GPBP1: variants seen among roughly 807,000 people sequenced by gnomAD.
The protein encoded by GPBP1 is GC-rich promoter binding protein 1.
Under a neutral mutation model 56.5 loss-of-function variants are expected in GPBP1, and 13 were observed. That is an observed-to-expected ratio of 0.23 (90% CI 0.15 to 0.37). The LOEUF (loss-of-function observed/expected upper bound fraction) is 0.37. Ranked by LOEUF, GPBP1 falls within the 10% of genes least tolerant of loss-of-function variation. GPBP1 has a pLI of 1.00. For missense variants in GPBP1, 477 were observed against 572.3 expected (o/e 0.83, Z 1.70); for synonymous variants, 204 against 188.9 (o/e 1.08, Z -0.66).
intron 6 of GPBP1, among the ~76,000 whole-genome samples, chr5:57,243,878 A>G (rs1246861887): frequency 6.6e-6 from 1 of 151,716 alleles, no homozygotes; most frequent in Admixed American, 6.6e-5. Context: ...TTGTAGAGAC[A>G]AAGTTTCACT....
At chr5:57,251,194 A>G (rs1741369475) in intron 10 of GPBP1, 53 bp downstream of exon 10, 4 of 1,428,130 alleles carry the variant, frequency 2.8e-6, no homozygotes, top group African/African-American at 1.4e-5. Flanking sequence ...CGAGATTTCA[A>G]TATTATAGAG....
At chr5:57,235,413 C>CTT (rs750088423) in intron 5 of GPBP1, among the ~76,000 whole-genome samples, 4 of 142,900 alleles carry the variant, frequency 2.8e-5, no homozygotes, top group Admixed American at 2.1e-4. Context: ...TTTTTCTTTT[C>CTT]TTTTTTTTTT....
chr5:57,183,027 T>C (rs1754127775), intron 2 of GPBP1, among the ~76,000 whole-genome samples: 1 of 152,102 alleles, frequency 6.6e-6, no homozygotes, highest in Non-Finnish European at 1.5e-5. Flanking sequence ...TTTAAAGCCA[T>C]ATTTCAATTT....
intron 2 of GPBP1, among the ~76,000 whole-genome samples, chr5:57,196,250 TCTTAA>T (rs1468286777): frequency 6.6e-6 from 1 of 151,994 alleles, no homozygotes; most frequent in Admixed American, 6.6e-5. Flanking sequence ...GATCCTCCTG[TCTTAA>T]CTTCCCCAGA....
intron 8 of GPBP1, among the ~76,000 whole-genome samples, 168 bp downstream of exon 8, chr5:57,247,383 A>G (rs1385269986): frequency 6.6e-6 from 1 of 152,250 alleles, no homozygotes; most frequent in Non-Finnish European, 1.5e-5. Context: ...ACTTTGGGAA[A>G]GTAGGAATCA....
chr5:57,222,519 GT>G (rs1755996387), intron 3 of GPBP1, among the ~76,000 whole-genome samples: 3 of 151,912 alleles, frequency 2.0e-5, no homozygotes, highest in Admixed American at 6.6e-5. Context: ...TGAAATAACT[GT>G]TTTTTCCCTT....
intron 3 of GPBP1, among the ~76,000 whole-genome samples, chr5:57,219,205 G>A (rs530459040): frequency 1.3e-5 from 2 of 151,580 alleles, no homozygotes; most frequent in East Asian, 1.9e-4. Flanking sequence ...GTGAAACCCC[G>A]TTTCTACTAA....
chr5:57,239,387 A>G (rs763806218), intron 6 of GPBP1, among the ~76,000 whole-genome samples: 1 of 152,230 alleles, frequency 6.6e-6, no homozygotes, highest in Non-Finnish European at 1.5e-5. Context: ...GGAAAGTACC[A>G]TATCGATTGG....
intron 3 of GPBP1, 137 bp from the exon 4 acceptor site, chr5:57,230,709 A>G (rs746792092): frequency 2.6e-6 from 2 of 757,340 alleles, no homozygotes; most frequent in East Asian, 2.7e-5. Flanking sequence ...CCCAGTTATC[A>G]AATACCTTGA....
intron 6 of GPBP1, among the ~76,000 whole-genome samples, chr5:57,242,312 T>C (rs143728588): frequency 4.6e-5 from 7 of 152,336 alleles, no homozygotes; most frequent in African/African-American, 1.7e-4. Flanking sequence ...TGTTTTCTAA[T>C]AATTATTTGA....
intron 2 of GPBP1, among the ~76,000 whole-genome samples, chr5:57,195,409 G>T (rs1754701031): frequency 6.6e-6 from 1 of 152,084 alleles, no homozygotes; most frequent in African/African-American, 2.4e-5. Flanking sequence ...TTTCTGCCTT[G>T]ACTTCCCAAA....
chr5:57,261,180 A>G lies in GPBP1; in HGVS notation c.1161A>G (p.Arg387=). 1 of 1,599,756 alleles carries G rather than the reference A, an allele frequency of 6.3e-7. No homozygotes were observed. The highest frequency in any genetic ancestry group is 8.6e-7 in the Non-Finnish European group (1 of 1,167,154). ...AAACTTAATTTCCTCTCCTTTTCAG[A>G]TTGTTAAAGGAAATGGGCTGGCAGG... ...VLSSSLEAEH[R]LLKEMGWQED... is the part of the protein sequence containing the mutation. The change falls in exon 11 of 12, where the codon AGA becomes AGG. Residue 387 remains arginine, a splice_region_variant and synonymous_variant. Transcript: ENST00000506184.
chr5:57,204,257 T>G (rs1310007229), intron 2 of GPBP1, among the ~76,000 whole-genome samples: 1 of 151,632 alleles, frequency 6.6e-6, no homozygotes, highest in East Asian at 2.0e-4. Context: ...TTTTGTTTTG[T>G]CTTGTTTTTT....
At chr5:57,193,871 T>C (rs1294213844) in intron 2 of GPBP1, among the ~76,000 whole-genome samples, 1 of 152,204 alleles carries the variant, frequency 6.6e-6, no homozygotes, top group East Asian at 1.9e-4. Context: ...GTTTTGAATT[T>C]ATGCACACAA....
intron 6 of GPBP1, among the ~76,000 whole-genome samples, chr5:57,243,847 G>T (rs1740951772): frequency 6.6e-6 from 1 of 151,524 alleles, no homozygotes; most frequent in South Asian, 2.1e-4. Flanking sequence ...ACTGTGTCTG[G>T]CTAATTGAAA....
chr5:57,174,618 C>T (rs1394565203), intron 1 of GPBP1, among the ~76,000 whole-genome samples: 1 of 152,130 alleles, frequency 6.6e-6, no homozygotes, highest in African/African-American at 2.4e-5. Flanking sequence ...GAGTTGTGGC[C>T]TTCGGCGGTT....
intron 2 of GPBP1, among the ~76,000 whole-genome samples, chr5:57,185,508 A>G (rs186011168): frequency 3.3e-5 from 5 of 151,860 alleles, no homozygotes; most frequent in Admixed American, 2.6e-4. Context: ...ACCTCAGATG[A>G]TCCACCCCCT....
chr5:57,213,960 A>G, intron 2 of GPBP1, 114 bp from the exon 3 acceptor site: 1 of 558,840 alleles, frequency 1.8e-6, no homozygotes, highest in Non-Finnish European at 3.2e-6. Context: ...TCTTTTCTAG[A>G]TTTTCATTAT....
intron 2 of GPBP1, among the ~76,000 whole-genome samples, chr5:57,196,010 T>C (rs1218705795): frequency 1.5e-5 from 2 of 135,114 alleles, no homozygotes; most frequent in African/African-American, 2.8e-5. Flanking sequence ...AAAAAAATTT[T>C]TTTTTTTTGT....
Sources: allele counts gnomAD v4.1 joint callset (sites outside exome capture counted in the v4.1 genomes callset), GRCh38; gene constraint gnomAD v4.1.1; transcripts MANE v1.5; gene names NCBI Gene and HGNC (gene_info 2026-07-23, HGNC 2026-07-21).